MON2: variants seen among roughly 807,000 people sequenced by gnomAD.
MON2 encodes the protein MON2 regulator of endosome-to-Golgi trafficking.
Under a neutral mutation model 208.6 loss-of-function variants are expected in MON2, and 84 were observed. The ratio of observed to expected loss-of-function variants is 0.40; its 90% CI spans 0.34 to 0.48. The LOEUF (loss-of-function observed/expected upper bound fraction) is 0.48. Ranked by LOEUF, MON2 falls within the 20% of genes least tolerant of loss-of-function variation. The probability of loss-of-function intolerance (pLI) is 0.59; values close to 1 mark genes in which losing one functional copy is unlikely to be tolerated. For missense variants in MON2, 1,611 were observed against 2,015.4 expected (o/e 0.80, Z 3.84); for synonymous variants, 660 against 694.0 (o/e 0.95, Z 0.77).
chr12:62,600,305 A>G lies in MON2; in HGVS notation c.*7556A>G, dbSNP rs1451701427. On this transcript the variant is annotated 3_prime_UTR_variant, in exon 35 of 35. Coordinates refer to ENST00000393630, the MANE Select transcript of MON2 (RefSeq NM_015026.3). ...AGGGACCAATTTTTTGCCTTTCACC[A>G]GACAACCACTGAATGTTAAGAATCT... The G allele has an allele frequency of 6.6e-6, 1 of 152,240 alleles. No individual in the cohort carries two copies. Among genetic ancestry groups the G allele is most frequent in the Non-Finnish European group, 1.5e-5 (1 of 68,046 alleles). The allele number at this position is 152,240 out of a possible 1,614,324, so 9.4% of individuals were successfully genotyped here.
Position 62,585,395 on chromosome 12 carries a change from G to A in MON2, c.4801G>A (p.Gly1601Ser). ...TAATAAAGTCACAACACCTCAAGAA[G>A]GCTACATCTCACGAATGGCACTCTC... is the stretch of plus-strand genomic sequence containing the variant. ...FSNKVTTPQE[G>S]YISRMALSVL... The change falls in exon 33 of 35, where the codon GGC (glycine) becomes AGC (serine). Residue 1601 changes from glycine (G) to serine (S), a missense_variant. By Grantham distance (56) the Gly-to-Ser change is moderately conservative. Coordinates refer to ENST00000393630, the MANE Select transcript of MON2 (RefSeq NM_015026.3). The A allele has an allele frequency of 6.2e-7, 1 of 1,613,656 alleles. No homozygotes were observed. Among genetic ancestry groups the A allele is most frequent in the Non-Finnish European group, 8.5e-7 (1 of 1,179,660 alleles).
intron 8 of MON2, among the ~76,000 whole-genome samples, chr12:62,520,879 ATAT>A (rs537980936): frequency 0.012 from 1,771 of 145,024 alleles, 29 homozygotes; most frequent in South Asian, 0.031. Flanking sequence ...ATATGTAAAG[ATAT>A]TATTTTTTTT....
chr12:62,521,779 T>G (rs1031029921), intron 8 of MON2, among the ~76,000 whole-genome samples: 3 of 152,226 alleles, frequency 2.0e-5, no homozygotes, highest in Non-Finnish European at 4.4e-5. Context: ...GCTACTATAC[T>G]ATATTATTTT....
intron 15 of MON2, 48 bp downstream of exon 15, chr12:62,537,311 CTTG>C (rs148881304): frequency 0.032 from 41,137 of 1,292,772 alleles, 824 homozygotes; most frequent in Non-Finnish European, 0.038. Context: ...ATCAAGGAAA[CTTG>C]TTGTACCTAT....
chr12:62,506,569 T>C (rs952522484), intron 7 of MON2, among the ~76,000 whole-genome samples: 6 of 151,940 alleles, frequency 3.9e-5, no homozygotes, highest in Non-Finnish European at 5.9e-5. Flanking sequence ...CTACTAAAAA[T>C]ACAAAAATTA....
At chr12:62,526,126 A>T in intron 11 of MON2, 24 bp downstream of exon 11, 1 of 1,603,858 alleles carries the variant, frequency 6.2e-7, no homozygotes, top group Non-Finnish European at 8.5e-7. Flanking sequence ...GCATTATTTT[A>T]TAAGGAATGA....
In MON2 at chr12:62,466,972, G is replaced by T; in HGVS notation, c.-236G>T. ...CCTTGTGGGTTTCTCGGCCAGAGTC[G>T]GCGGAGCCTAGCGGGACGGTGCGAC... On this transcript the variant is annotated 5_prime_UTR_variant, in exon 1 of 35. Coordinates refer to ENST00000393630, the MANE Select transcript of MON2 (RefSeq NM_015026.3). 3 of 513,646 alleles carry T rather than the reference G, an allele frequency of 5.8e-6. No homozygotes were observed. Among genetic ancestry groups the T allele is most frequent in the Admixed American group, 3.7e-5 (1 of 26,974 alleles). 31.8% of individuals were successfully genotyped at this position (513,646 alleles called of 1,614,324 possible). A position where few individuals can be genotyped will look rare whatever the true frequency, so the allele number is the denominator to read the frequency against.
chr12:62,484,367 A>G, intron 2 of MON2, 134 bp downstream of exon 2: 1 of 597,040 alleles, frequency 1.7e-6, no homozygotes, highest in Non-Finnish European at 3.0e-6. Flanking sequence ...TTCATAATGA[A>G]ACAGAATGGG....
intron 33 of MON2, 142 bp downstream of exon 33, chr12:62,585,643 G>A: frequency 6.3e-6 from 4 of 630,672 alleles, no homozygotes; most frequent in South Asian, 3.2e-5. Flanking sequence ...CCCATATGGT[G>A]TAAATATTCA....
intron 21 of MON2, among the ~76,000 whole-genome samples, 193 bp from the exon 22 acceptor site, chr12:62,546,704 A>G (rs1429319333): frequency 2.0e-5 from 3 of 152,190 alleles, no homozygotes; most frequent in South Asian, 4.1e-4. Flanking sequence ...CAGTGAGTCA[A>G]GATTGTGCCA....
intron 30 of MON2, among the ~76,000 whole-genome samples, chr12:62,574,762 T>G (rs559221159): frequency 9.9e-5 from 15 of 152,124 alleles, no homozygotes; most frequent in Non-Finnish European, 1.8e-4. Context: ...TGTGACCTGG[T>G]CCTGACTTGC....
chr12:62,577,589 TTGAGATTGTGGC>T, intron 30 of MON2, among the ~76,000 whole-genome samples: 1 of 152,050 alleles, frequency 6.6e-6, no homozygotes, highest in Non-Finnish European at 1.5e-5. Context: ...TAAATCTAGG[TTGAGATTGTGGC>T]CTCATCATTT....
At chr12:62,530,128 C>T (rs918117404) in intron 11 of MON2, among the ~76,000 whole-genome samples, 2 of 152,048 alleles carry the variant, frequency 1.3e-5, no homozygotes, top group Non-Finnish European at 1.5e-5. Flanking sequence ...TAATCAACCT[C>T]TCTTTACCCC....
chr12:62,472,423 T>G (rs1437407645), intron 1 of MON2, among the ~76,000 whole-genome samples: 1 of 152,214 alleles, frequency 6.6e-6, no homozygotes, highest in Non-Finnish European at 1.5e-5. Flanking sequence ...TTCTCTCTTT[T>G]TAAATGATGC....
intron 4 of MON2, among the ~76,000 whole-genome samples, chr12:62,498,393 T>C (rs7135044): frequency 0.67 from 102,361 of 152,004 alleles, 34,726 homozygotes; most frequent in African/African-American, 0.77. Flanking sequence ...GGAAATATTT[T>C]GTTTGTCAAT....
intron 29 of MON2, 86 bp from the exon 30 acceptor site, chr12:62,571,306 A>T: frequency 9.6e-7 from 1 of 1,038,886 alleles, no homozygotes; most frequent in South Asian, 2.1e-5. Flanking sequence ...TACCTATGCT[A>T]TTTTTTCTCT....
intron 1 of MON2, among the ~76,000 whole-genome samples, chr12:62,479,912 T>A (rs2069310824): frequency 6.6e-6 from 1 of 152,016 alleles, no homozygotes; most frequent in African/African-American, 2.4e-5. Flanking sequence ...AAGCTAACAA[T>A]TTTTTTTCAC....
chr12:62,523,306 T>C (rs1468630351), intron 8 of MON2, among the ~76,000 whole-genome samples: 1 of 152,182 alleles, frequency 6.6e-6, no homozygotes, highest in Non-Finnish European at 1.5e-5. Context: ...ATTTTTCTCA[T>C]TTGATTTCCC....
chr12:62,565,784 TAAG>T (rs1324876431), intron 27 of MON2, among the ~76,000 whole-genome samples: 2 of 152,200 alleles, frequency 1.3e-5, no homozygotes. Context: ...TTGTACTAAA[TAAG>T]AAGTTGTACA....
Sources: gnomAD v4.1 joint callset for allele counts (sites outside exome capture counted in the v4.1 genomes callset) on GRCh38, gnomAD v4.1.1 for gene constraint, MANE v1.5 for transcripts, NCBI Gene and HGNC (gene_info 2026-07-23, HGNC 2026-07-21) for gene names.